PDE3B: variants seen among roughly 807,000 people sequenced by gnomAD.
PDE3B encodes phosphodiesterase 3B, also known as cGMP-inhibited 3',5'-cyclic phosphodiesterase 3B.
Under a neutral mutation model 116.8 loss-of-function variants are expected in PDE3B, and 66 were observed. That is an observed-to-expected ratio of 0.56 (90% CI 0.46 to 0.69). The LOEUF (loss-of-function observed/expected upper bound fraction) is 0.69. PDE3B is among the 30% of genes least tolerant of loss of function. PDE3B has a pLI of 0.00. For missense variants in PDE3B, 1,384 were observed against 1,368.1 expected (o/e 1.01, Z -0.18); for synonymous variants, 595 against 533.6 (o/e 1.12, Z -1.59).
chr11:14,889,498 T>G, the PDE3B span, among the ~76,000 whole-genome samples: 34 of 152,340 alleles, frequency 2.2e-4, no homozygotes, highest in Non-Finnish European at 1.8e-4. Flanking sequence ...TGTCTACTCT[T>G]TGATGCATAC....
At chr11:14,701,575 AT>A (rs1776633701) in intron 1 of PDE3B, among the ~76,000 whole-genome samples, 1 of 151,652 alleles carries the variant, frequency 6.6e-6, no homozygotes, top group Admixed American at 6.6e-5. Context: ...TTCTTAAGGT[AT>A]TTACCTACAT....
intron 1 of PDE3B, among the ~76,000 whole-genome samples, chr11:14,690,384 T>A (rs1013600948): frequency 6.6e-6 from 1 of 152,130 alleles, no homozygotes; most frequent in Non-Finnish European, 1.5e-5. Flanking sequence ...CTTTTGAAAA[T>A]TAAAAAGATA....
intron 1 of PDE3B, among the ~76,000 whole-genome samples, chr11:14,769,081 T>C (rs1857567887): frequency 6.6e-6 from 1 of 151,398 alleles, no homozygotes; most frequent in Non-Finnish European, 1.5e-5. Context: ...ATAGTTTTCA[T>C]CCTAGAGAAA....
At chr11:14,663,588 A>G (rs969462514) in intron 1 of PDE3B, among the ~76,000 whole-genome samples, 1 of 152,244 alleles carries the variant, frequency 6.6e-6, no homozygotes, top group African/African-American at 2.4e-5. Flanking sequence ...TACCAAGCCA[A>G]TGGAAAACAA....
chr11:14,689,780 CACTT>C (rs1854994473), intron 1 of PDE3B, among the ~76,000 whole-genome samples: 1 of 152,162 alleles, frequency 6.6e-6, no homozygotes, highest in African/African-American at 2.4e-5. Context: ...CCAGGTTTGT[CACTT>C]ACATAAAATC....
At chr11:14,740,866 G>C (rs887863289) in intron 1 of PDE3B, among the ~76,000 whole-genome samples, 2 of 152,178 alleles carry the variant, frequency 1.3e-5, no homozygotes, top group African/African-American at 4.8e-5. Context: ...TTACACAGTA[G>C]TCATTCAGGA....
chr11:14,712,947 C>T (rs559925378), intron 1 of PDE3B, among the ~76,000 whole-genome samples: 1 of 152,060 alleles, frequency 6.6e-6, no homozygotes, highest in Non-Finnish European at 1.5e-5. Context: ...TACCTTGTGC[C>T]ATGATTTCCT....
At chr11:14,791,424 GCCCTTATTT>G (rs1238245736) in intron 4 of PDE3B, among the ~76,000 whole-genome samples, 1 of 151,922 alleles carries the variant, frequency 6.6e-6, no homozygotes, top group Non-Finnish European at 1.5e-5. Context: ...CTATTGTTCT[GCCCTTATTT>G]CCCCGCACAA....
At chr11:14,689,863 A>G (rs547915832) in intron 1 of PDE3B, among the ~76,000 whole-genome samples, 2 of 152,272 alleles carry the variant, frequency 1.3e-5, no homozygotes, top group East Asian at 3.9e-4. Flanking sequence ...AAAGTAAGGC[A>G]TTTCAATATT....
At chr11:14,717,610 A>G (rs1368968663) in intron 1 of PDE3B, among the ~76,000 whole-genome samples, 1 of 91,530 alleles carries the variant, frequency 1.1e-5, no homozygotes, top group African/African-American at 4.5e-5. Flanking sequence ...AGTGGGGGCC[A>G]ATATTCAACA....
In PDE3B at chr11:14,789,070, A is replaced by G. The variant is rs1233020193; in HGVS notation, c.1279-36A>G. The G allele has an allele frequency of 3.3e-6, 5 of 1,517,550 alleles. No individual in the cohort carries two copies. The Admixed American group carries it at 5.7e-5, about 17-fold the overall frequency. The allele number at this position is 1,517,550 out of a possible 1,614,324, so 94.0% of individuals were successfully genotyped here. A position where few individuals can be genotyped will look rare whatever the true frequency, so the allele number is the denominator to read the frequency against. On this transcript the variant is annotated intron_variant, in intron 3 of 15. Transcript: ENST00000282096. ...ATATTACATATATAGCATATTAAAG[A>G]GTGACATTTTAAACCATTGTTAAAT...
intron 1 of PDE3B, among the ~76,000 whole-genome samples, chr11:14,662,300 C>A (rs1186926457): frequency 6.6e-6 from 1 of 152,148 alleles, no homozygotes; most frequent in Non-Finnish European, 1.5e-5. Flanking sequence ...CACCAAAAAC[C>A]CATCTGTACA....
At chr11:14,835,138 A>G in intron 11 of PDE3B, 43 bp downstream of exon 11, 1 of 1,234,000 alleles carries the variant, frequency 8.1e-7, no homozygotes, top group Non-Finnish European at 1.2e-6. Context: ...GATCAGGAAT[A>G]GTAAATCAAG....
At chr11:14,845,296 A>G (rs2133975588) in intron 12 of PDE3B, among the ~76,000 whole-genome samples, 1 of 152,166 alleles carries the variant, frequency 6.6e-6, no homozygotes, top group East Asian at 1.9e-4. Context: ...TTAGAAGGAA[A>G]ACTAACAAAC....
the PDE3B span, chr11:14,886,833 G>A: frequency 2.0e-5 from 3 of 152,272 alleles, no homozygotes; most frequent in Non-Finnish European, 2.9e-5. Context: ...GAAGAAAACA[G>A]GAGGCTTAGC....
the PDE3B span, among the ~76,000 whole-genome samples, chr11:14,897,791 C>T: frequency 6.6e-6 from 1 of 152,120 alleles, no homozygotes; most frequent in Non-Finnish European, 1.5e-5. Flanking sequence ...CAAACCCACC[C>T]TCCTCAGGCC....
intron 15 of PDE3B, 125 bp from the exon 16 acceptor site, chr11:14,869,330 ATACTAT>A (rs1245261871): frequency 1.1e-4 from 47 of 443,182 alleles, no homozygotes; most frequent in Non-Finnish European, 1.6e-4. Context: ...TATTTTTATT[ATACTAT>A]TATTTTATAG....
At chr11:14,696,474 T>G (rs576841799) in intron 1 of PDE3B, among the ~76,000 whole-genome samples, 2 of 152,264 alleles carry the variant, frequency 1.3e-5, no homozygotes, top group South Asian at 2.1e-4. Flanking sequence ...AGTGAAGTCT[T>G]TCGCCATTCT....
At chr11:14,834,862 C>T in intron 10 of PDE3B, 120 bp from the exon 11 acceptor site, 1 of 493,380 alleles carries the variant, frequency 2.0e-6, no homozygotes, top group Non-Finnish European at 3.7e-6. Flanking sequence ...AAATAAAATT[C>T]AATTGTGGGG....
Sources: gnomAD v4.1 joint callset for allele counts (sites outside exome capture counted in the v4.1 genomes callset) on GRCh38, gnomAD v4.1.1 for gene constraint, MANE v1.5 for transcripts, NCBI Gene and HGNC (gene_info 2026-07-23, HGNC 2026-07-21) for gene names.